SEMA3A: variants seen among roughly 807,000 people sequenced by gnomAD.
The protein encoded by SEMA3A is semaphorin-3A.
SEMA3A carries 29 observed loss-of-function variants against 97.9 expected under a neutral mutation model. That is an observed-to-expected ratio of 0.30 (90% CI 0.22 to 0.40). The LOEUF (loss-of-function observed/expected upper bound fraction) is 0.40. SEMA3A is among the 10% of genes least tolerant of loss of function. The probability of loss-of-function intolerance (pLI) is 1.00; values close to 1 mark genes in which losing one functional copy is unlikely to be tolerated. For missense variants in SEMA3A, 763 were observed against 951.3 expected (o/e 0.80, Z 2.60); for synonymous variants, 321 against 323.7 (o/e 0.99, Z 0.09).
At chr7:84,166,434 G>GC (rs1397963237) in intron 1 of SEMA3A, among the ~76,000 whole-genome samples, 16 of 151,774 alleles carry the variant, frequency 1.1e-4, no homozygotes. Context: ...AGCCAGGCGT[G>GC]GTGGTGCATG....
intron 4 of SEMA3A, among the ~76,000 whole-genome samples, chr7:84,104,240 T>C (rs1225550386): frequency 6.6e-6 from 1 of 152,058 alleles, no homozygotes; most frequent in Non-Finnish European, 1.5e-5. Flanking sequence ...GATAATATAT[T>C]ATTTTAATAG....
At chr7:84,408,982 C>T (rs1804185820) in intron 1 of SEMA3A, among the ~76,000 whole-genome samples, 1 of 151,504 alleles carries the variant, frequency 6.6e-6, no homozygotes, top group African/African-American at 2.4e-5. Flanking sequence ...CAACATGGCA[C>T]ATGTATACAT....
At chr7:84,180,163 C>A (rs887234149) in intron 1 of SEMA3A, among the ~76,000 whole-genome samples, 40 of 150,550 alleles carry the variant, frequency 2.7e-4, no homozygotes, top group African/African-American at 9.8e-4. Context: ...TCAGGCTGGT[C>A]TCTAACTCCC....
chr7:84,190,612 A>G (rs1483282231), intron 1 of SEMA3A, among the ~76,000 whole-genome samples: 1 of 150,782 alleles, frequency 6.6e-6, no homozygotes, highest in Non-Finnish European at 1.5e-5. Flanking sequence ...TTTTTAGGGT[A>G]AGACTAGCCC....
At chr7:84,226,555 A>G (rs1798994016) in intron 3 of SEMA3A, among the ~76,000 whole-genome samples, 2 of 152,110 alleles carry the variant, frequency 1.3e-5, no homozygotes, top group South Asian at 4.1e-4. Flanking sequence ...AGGTTAAAAT[A>G]TATTATCACT....
intron 6 of SEMA3A, among the ~76,000 whole-genome samples, chr7:84,039,474 C>T (rs996176557): frequency 8.5e-5 from 13 of 152,170 alleles, no homozygotes; most frequent in African/African-American, 2.9e-4. Flanking sequence ...GGTGGAAACA[C>T]TTAAAATCCC....
At chr7:84,224,743 T>A (rs186418801) in intron 3 of SEMA3A, among the ~76,000 whole-genome samples, 1 of 152,174 alleles carries the variant, frequency 6.6e-6, no homozygotes, top group East Asian at 1.9e-4. Flanking sequence ...GAAGTAGGTG[T>A]GATTTCATGC....
At chr7:84,143,980 C>T (rs1796391204) in intron 1 of SEMA3A, among the ~76,000 whole-genome samples, 1 of 149,938 alleles carries the variant, frequency 6.7e-6, no homozygotes, top group African/African-American at 2.5e-5. Context: ...CACACACACA[C>T]ACACACACAC....
intron 3 of SEMA3A, among the ~76,000 whole-genome samples, chr7:84,111,765 T>C (rs1450804569): frequency 6.6e-6 from 1 of 152,154 alleles, no homozygotes; most frequent in African/African-American, 2.4e-5. Context: ...AGATCCTAAG[T>C]CTTTCTTTTG....
At chr7:84,150,385 A>G (rs1366859483) in intron 1 of SEMA3A, among the ~76,000 whole-genome samples, 1 of 151,804 alleles carries the variant, frequency 6.6e-6, no homozygotes, top group African/African-American at 2.4e-5. Flanking sequence ...GGGTGCGCAC[A>G]CTGTGCGCGA....
At chr7:84,486,257 A>G (rs1299133058) in intron 1 of SEMA3A, among the ~76,000 whole-genome samples, 1 of 152,114 alleles carries the variant, frequency 6.6e-6, no homozygotes, top group African/African-American at 2.4e-5. Context: ...GCGTGGTGGC[A>G]TGTGCCTGTA....
At chr7:83,965,556 A>G (rs1277287658) in intron 15 of SEMA3A, among the ~76,000 whole-genome samples, 1 of 145,064 alleles carries the variant, frequency 6.9e-6, no homozygotes, top group Non-Finnish European at 1.5e-5. Context: ...ATTGACTCAG[A>G]TAAGAGGAGT....
intron 1 of SEMA3A, among the ~76,000 whole-genome samples, chr7:84,177,075 T>C (rs1173614743): frequency 1.3e-5 from 2 of 152,166 alleles, no homozygotes; most frequent in South Asian, 4.1e-4. Context: ...AAGGACATGA[T>C]GAAGCATGTT....
chr7:84,465,955 T>C (rs1805983484), intron 1 of SEMA3A, among the ~76,000 whole-genome samples: 1 of 152,162 alleles, frequency 6.6e-6, no homozygotes, highest in Non-Finnish European at 1.5e-5. Context: ...TTCCTTATAA[T>C]GGCTTCACAA....
intron 3 of SEMA3A, among the ~76,000 whole-genome samples, chr7:84,268,815 C>T (rs981926943): frequency 1.3e-5 from 2 of 152,078 alleles, no homozygotes; most frequent in Admixed American, 1.3e-4. Flanking sequence ...ACTTGAAATT[C>T]ACCTCCCAAC....
chr7:83,980,329 G>A (rs142307259), intron 14 of SEMA3A, among the ~76,000 whole-genome samples: 4 of 151,702 alleles, frequency 2.6e-5, no homozygotes, highest in Non-Finnish European at 5.9e-5. Flanking sequence ...TATGCTGGGC[G>A]CAGTGGCACA....
At chr7:84,073,244 G>T (rs567674038) in intron 4 of SEMA3A, among the ~76,000 whole-genome samples, 1 of 152,008 alleles carries the variant, frequency 6.6e-6, no homozygotes, top group East Asian at 1.9e-4. Flanking sequence ...AATATATTTT[G>T]TAGAAAGACG....
At chr7:84,020,433 T>C (rs184056401) in intron 6 of SEMA3A, among the ~76,000 whole-genome samples, 1 of 152,218 alleles carries the variant, frequency 6.6e-6, no homozygotes, top group Non-Finnish European at 1.5e-5. Context: ...TTCCTATTTT[T>C]TTTTTTTAGA....
chr7:84,078,621 A>G (rs1287003391), intron 4 of SEMA3A, among the ~76,000 whole-genome samples: 1 of 152,076 alleles, frequency 6.6e-6, no homozygotes, highest in Non-Finnish European at 1.5e-5. Flanking sequence ...ATGGTTGGAC[A>G]AGGAAGTTAA....
Sources: allele counts gnomAD v4.1 joint callset (sites outside exome capture counted in the v4.1 genomes callset), GRCh38; gene constraint gnomAD v4.1.1; transcripts MANE v1.5; gene names NCBI Gene and HGNC (gene_info 2026-07-23, HGNC 2026-07-21).